Variants in GRIK4 observed in about 807,000 individuals in gnomAD.
GRIK4 encodes the protein glutamate ionotropic receptor kainate type subunit 4, also known as glutamate receptor ionotropic, kainate 4.
A neutral mutation model predicts 104.9 loss-of-function variants in GRIK4; 40 were observed. The observed-to-expected ratio is 0.38, with a 90% CI of 0.30 to 0.50. The LOEUF (loss-of-function observed/expected upper bound fraction) is 0.50. Among genes scored for constraint, GRIK4 ranks in the 20% least tolerant of loss-of-function variants. The pLI, the probability that GRIK4 is intolerant of heterozygous loss-of-function variation, is 0.93. For missense variants in GRIK4, 1,047 were observed against 1,308.1 expected, an observed-to-expected ratio of 0.80 and a Z score of 3.08; for synonymous variants, 485 against 524.9, an observed-to-expected ratio of 0.92 and a Z score of 1.04.
intron 1 of GRIK4, among the ~76,000 whole-genome samples, chr11:120,618,549 C>G (rs1949143687): frequency 6.6e-6 from 1 of 152,172 alleles, no homozygotes; most frequent in African/African-American, 2.4e-5. Context: ...ATTTCAGAGA[C>G]CATTGTGGCA....
chr11:120,530,393 TG>T (rs901591281), intron 1 of GRIK4, among the ~76,000 whole-genome samples: 2 of 150,240 alleles, frequency 1.3e-5, no homozygotes, highest in Non-Finnish European at 3.0e-5. Flanking sequence ...GGGGTGTGGG[TG>T]GGGGTAGGGG....
At chr11:120,681,420 C>G (rs1205006223) in intron 3 of GRIK4, among the ~76,000 whole-genome samples, 1 of 152,160 alleles carries the variant, frequency 6.6e-6, no homozygotes, top group Non-Finnish European at 1.5e-5. Context: ...TCCTCTCTCT[C>G]GAGGCTGCAA....
chr11:120,927,760 C>T (rs1321251411), intron 13 of GRIK4, among the ~76,000 whole-genome samples: 1 of 152,126 alleles, frequency 6.6e-6, no homozygotes, highest in Non-Finnish European at 1.5e-5. Context: ...GACACACTTC[C>T]AGCTCTTGTT....
intron 1 of GRIK4, among the ~76,000 whole-genome samples, chr11:120,545,675 A>G (rs1397266792): frequency 6.6e-6 from 1 of 152,192 alleles, no homozygotes; most frequent in Non-Finnish European, 1.5e-5. Context: ...TCTTGTGTGA[A>G]ACAACAGTGG....
At position 120,956,987 on chromosome 11, in the gene GRIK4, T is replaced by G. The variant is rs190877406; in HGVS notation, c.1874+34T>G. Reference sequence around the variant, plus strand: ...CCAGGCAGAGGTGAACCAGGCCAGGTGGGGTGGGGACACAAAAGGGGCCCT... The same window carrying G: ...CCAGGCAGAGGTGAACCAGGCCAGGGGGGGTGGGGACACAAAAGGGGCCCT... On this transcript the variant is annotated intron_variant, in intron 16 of 20. Coordinates refer to ENST00000527524, the MANE Select transcript of GRIK4 (RefSeq NM_014619.5). The surrounding 1 kb of genome is among the most constrained non-coding windows in gnomAD (Gnocchi z 4.6). The G allele has an allele frequency of 1.7e-5, 26 of 1,541,568 alleles. No homozygotes were observed. The highest frequency in any genetic ancestry group is 2.1e-5 in the Non-Finnish European group (24 of 1,142,222).
intron 19 of GRIK4, among the ~76,000 whole-genome samples, chr11:120,981,781 C>T (rs1944656834): frequency 6.6e-6 from 1 of 152,180 alleles, no homozygotes; most frequent in African/African-American, 2.4e-5. Flanking sequence ...TCTCTATAAG[C>T]TGTCAAGAGT....
chr11:120,563,669 C>T (rs1445078494), intron 1 of GRIK4, among the ~76,000 whole-genome samples: 1 of 152,162 alleles, frequency 6.6e-6, no homozygotes, highest in African/African-American at 2.4e-5. Context: ...ACCCCAGGAA[C>T]TTCTGGAGCT....
At chr11:120,687,243 C>G (rs1354989242) in intron 3 of GRIK4, among the ~76,000 whole-genome samples, 1 of 151,726 alleles carries the variant, frequency 6.6e-6, no homozygotes, top group Non-Finnish European at 1.5e-5. Flanking sequence ...TAGCTGGATA[C>G]AGGCAGAGTC....
At chr11:120,570,104 C>A (rs1260028882) in intron 1 of GRIK4, among the ~76,000 whole-genome samples, 3 of 152,164 alleles carry the variant, frequency 2.0e-5, no homozygotes, top group Non-Finnish European at 4.4e-5. Context: ...AGTGAGAGAC[C>A]GCCAGGGCGA....
chr11:120,596,094 T>A (rs1948798546), intron 1 of GRIK4, among the ~76,000 whole-genome samples: 1 of 152,156 alleles, frequency 6.6e-6, no homozygotes. Context: ...AATCCGCCCG[T>A]CTCGGCCTCC....
At chr11:120,747,799 C>T (rs929548193) in intron 3 of GRIK4, among the ~76,000 whole-genome samples, 4 of 152,218 alleles carry the variant, frequency 2.6e-5, no homozygotes, top group Non-Finnish European at 4.4e-5. Flanking sequence ...GTCTAGAAGT[C>T]AGCTTAGGGC....
intron 3 of GRIK4, among the ~76,000 whole-genome samples, chr11:120,667,002 A>C (rs1434067969): frequency 6.6e-6 from 1 of 152,196 alleles, no homozygotes; most frequent in Admixed American, 6.5e-5. Flanking sequence ...TTCCAGGCAG[A>C]TGGAATGGGC....
intron 13 of GRIK4, among the ~76,000 whole-genome samples, chr11:120,937,309 G>C (rs903878586): frequency 3.3e-5 from 5 of 152,180 alleles, no homozygotes; most frequent in Non-Finnish European, 5.9e-5. Flanking sequence ...GAAGTGTTGG[G>C]ATTACAGGCA....
chr11:120,624,873 TG>T (rs1949237286), intron 1 of GRIK4, among the ~76,000 whole-genome samples: 2 of 152,068 alleles, frequency 1.3e-5, no homozygotes, highest in Non-Finnish European at 2.9e-5. Flanking sequence ...TTGATTATCT[TG>T]GGGGGATGGG....
At chr11:120,623,409 A>AAAGTGC (rs1949213866) in intron 1 of GRIK4, among the ~76,000 whole-genome samples, 1 of 152,116 alleles carries the variant, frequency 6.6e-6, no homozygotes, top group African/African-American at 2.4e-5. Flanking sequence ...CTGGGATTAC[A>AAAGTGC]GGTGTGAACC....
At chr11:120,763,701 A>G (rs1351052134) in intron 3 of GRIK4, among the ~76,000 whole-genome samples, 1 of 152,176 alleles carries the variant, frequency 6.6e-6, no homozygotes, top group East Asian at 1.9e-4. Flanking sequence ...TTCATTATTT[A>G]CCCAGTAGTC....
chr11:120,820,087 G>C (rs1037757712), intron 6 of GRIK4, among the ~76,000 whole-genome samples, 167 bp downstream of exon 6: 1 of 69,062 alleles, frequency 1.4e-5, no homozygotes. Context: ...GTGTCCGTGT[G>C]TGTGTGTGTG....
Position 120,953,467 on chromosome 11 carries a change from C to T in GRIK4, c.1700+503C>T, listed in dbSNP as rs1457065838. Among the ~76,000 whole-genome samples the T allele has an allele frequency of 6.6e-6, 1 of 152,210 alleles. No homozygotes were observed. On this transcript the variant is annotated intron_variant, in intron 15 of 20. Transcript: ENST00000527524. The surrounding 1 kb of genome is among the most constrained non-coding windows in gnomAD (Gnocchi z 4.9). Reference sequence around the variant, plus strand: ...GAGCAGGCCAGGGAGAAGGCTTTCTCTGCAGACAGCCTGGGCCTGCCTCTG... The same window carrying T: ...GAGCAGGCCAGGGAGAAGGCTTTCTTTGCAGACAGCCTGGGCCTGCCTCTG...
At chr11:120,617,671 G>A (rs1344965314) in intron 1 of GRIK4, among the ~76,000 whole-genome samples, 1 of 152,164 alleles carries the variant, frequency 6.6e-6, no homozygotes, top group African/African-American at 2.4e-5. Context: ...GAGTTCTTGT[G>A]AGATCTGGTC....
Sources: allele counts gnomAD v4.1 joint callset (sites outside exome capture counted in the v4.1 genomes callset), GRCh38; gene constraint gnomAD v4.1.1; non-coding constraint Gnocchi (gnomAD v3.1); transcripts MANE v1.5; gene names NCBI Gene and HGNC (gene_info 2026-07-23, HGNC 2026-07-21).